The following TLN2 variants were observed in gnomAD, a reference collection of about 807,000 sequenced individuals.
The protein encoded by TLN2 is talin-2.
Under a neutral mutation model 294.7 loss-of-function variants are expected in TLN2, and 118 were observed. That is an observed-to-expected ratio of 0.40 (90% CI 0.34 to 0.47). The LOEUF (loss-of-function observed/expected upper bound fraction) is 0.47, where lower values mean the gene tolerates loss of function less well. Ranked by LOEUF, TLN2 falls within the 20% of genes least tolerant of loss-of-function variation. TLN2 has a pLI of 0.84. For synonymous variants in TLN2, 1,431 were observed against 1,304.5 expected (o/e 1.10, Z -2.09); for missense variants, 3,083 against 3,282.2 (o/e 0.94, Z 1.48).
chr15:62,544,781 C>G (rs1156465570), intron 1 of TLN2, among the ~76,000 whole-genome samples: 3 of 148,564 alleles, frequency 2.0e-5, no homozygotes, highest in Non-Finnish European at 4.4e-5. Context: ...TCCTTCCATT[C>G]CTAGAATGGC....
chr15:62,504,818 G>T (rs1162370682), intron 1 of TLN2, among the ~76,000 whole-genome samples: 3 of 143,530 alleles, frequency 2.1e-5, no homozygotes, highest in Admixed American at 7.0e-5. Context: ...TAGTTGGTGG[G>T]GTGTGTGTGT....
At chr15:62,420,050 T>C (rs2034304799) in intron 1 of TLN2, among the ~76,000 whole-genome samples, 1 of 152,218 alleles carries the variant, frequency 6.6e-6, no homozygotes, top group Non-Finnish European at 1.5e-5. Context: ...TTCTTATTTC[T>C]TATGTTAGGA....
At chr15:62,717,751 C>G in intron 24 of TLN2, 62 bp downstream of exon 24, 1 of 1,208,298 alleles carries the variant, frequency 8.3e-7, no homozygotes, top group Non-Finnish European at 1.1e-6. Context: ...CATTAGAACA[C>G]CAAGTCCCCT....
At chr15:62,487,284 C>A (rs1341063099) in intron 1 of TLN2, among the ~76,000 whole-genome samples, 2 of 152,218 alleles carry the variant, frequency 1.3e-5, no homozygotes, top group Non-Finnish European at 2.9e-5. Flanking sequence ...CCTGCCCTGG[C>A]TGCTCATTCA....
intron 1 of TLN2, among the ~76,000 whole-genome samples, chr15:62,523,464 G>C (rs1252810601): frequency 6.6e-6 from 1 of 152,216 alleles, no homozygotes; most frequent in Non-Finnish European, 1.5e-5. Flanking sequence ...GACAAGTCCA[G>C]GACTATTTTA....
At chr15:62,515,851 A>G (rs1354307142) in intron 1 of TLN2, among the ~76,000 whole-genome samples, 1 of 151,938 alleles carries the variant, frequency 6.6e-6, no homozygotes, top group Non-Finnish European at 1.5e-5. Flanking sequence ...TCTTGTAGGC[A>G]CCCTCTGCCT....
chr15:62,642,597 A>G (rs2051251642), intron 3 of TLN2, among the ~76,000 whole-genome samples: 1 of 152,028 alleles, frequency 6.6e-6, no homozygotes, highest in Admixed American at 6.5e-5. Flanking sequence ...ATTTCTCACA[A>G]GTGTGGAAAA....
intron 1 of TLN2, among the ~76,000 whole-genome samples, chr15:62,462,956 CA>C (rs1295795186): frequency 6.6e-6 from 1 of 152,206 alleles, no homozygotes; most frequent in African/African-American, 2.4e-5. Flanking sequence ...ACACTAAGGA[CA>C]GCGCCAAACT....
chr15:62,498,859 A>G (rs552469594), intron 1 of TLN2, among the ~76,000 whole-genome samples: 26 of 152,312 alleles, frequency 1.7e-4, no homozygotes, highest in African/African-American at 5.5e-4. Flanking sequence ...TGGCGAAACT[A>G]TTAAAGGAAT....
Position 62,748,375 on chromosome 15 carries a change from A to C in TLN2, c.4050A>C (p.Gln1350His), listed in dbSNP as rs377488539. 1.9e-6 allele frequency: 3 copies of C among 1,613,112 alleles called. No individual in the cohort carries two copies. Among genetic ancestry groups the C allele is most frequent in the East Asian group, 2.2e-5 (1 of 44,834 alleles). ...AARAVTESIN[Q>H]LITLCTQQAP... ...GAGCTGTGACAGAGAGCATCAATCA[A>C]CTCATCACTCTGTGTACCCAACAAG... Residue 1350 changes from glutamine to histidine, a missense_variant, in exon 33 of 59, where the codon CAA becomes CAC. Physicochemically the swap from Gln to His is conservative, Grantham distance 24 (BLOSUM62 0). Coordinates refer to ENST00000636159, the MANE Select transcript of TLN2 (RefSeq NM_015059.3).
intron 3 of TLN2, among the ~76,000 whole-genome samples, chr15:62,623,355 C>T (rs1465594421): frequency 1.3e-5 from 2 of 152,180 alleles, no homozygotes; most frequent in Admixed American, 1.3e-4. Context: ...CGCTGAAAAT[C>T]TCACAGGTCA....
chr15:62,693,885 A>G (rs942120701), intron 13 of TLN2, among the ~76,000 whole-genome samples: 2 of 151,520 alleles, frequency 1.3e-5, no homozygotes, highest in Non-Finnish European at 2.9e-5. Context: ...GTAAACTTCA[A>G]CACTTTGACT....
intron 1 of TLN2, among the ~76,000 whole-genome samples, chr15:62,489,376 TA>T (rs1243243683): frequency 6.6e-6 from 1 of 152,126 alleles, no homozygotes; most frequent in Non-Finnish European, 1.5e-5. Context: ...CCCAAATAAT[TA>T]AACAATTTAT....
At position 62,467,565 on chromosome 15, in the gene TLN2, G is replaced by C. The variant is rs184283796; in HGVS notation, c.-238+76880G>C. Among the ~76,000 whole-genome samples, 534 of 152,252 alleles carry C rather than the reference G, an allele frequency of 3.5e-3. 3 individuals carry two copies. Among genetic ancestry groups the C allele is most frequent in the African/African-American group, 0.012 (512 of 41,554 alleles). On this transcript the variant is annotated intron_variant, in intron 1 of 58. Coordinates refer to ENST00000636159, the MANE Select transcript of TLN2 (RefSeq NM_015059.3). Reference sequence around the variant, plus strand: ...AAATTAGCCGTGCATGGTGGTGCACGCCTGTAATCCCAGCTACTCGAGAGA... The same window carrying C: ...AAATTAGCCGTGCATGGTGGTGCACCCCTGTAATCCCAGCTACTCGAGAGA...
chr15:62,717,809 C>A, intron 24 of TLN2, 120 bp downstream of exon 24: 1 of 689,924 alleles, frequency 1.4e-6, no homozygotes, highest in Non-Finnish European at 2.2e-6. Flanking sequence ...CCAATTTGCC[C>A]CAGTTCCCAT....
chr15:62,668,186 G>A (rs554251111), intron 9 of TLN2, among the ~76,000 whole-genome samples: 8 of 152,182 alleles, frequency 5.3e-5, no homozygotes, highest in Non-Finnish European at 1.0e-4. Context: ...AATTTGCAAA[G>A]AGTAAATTTT....
intron 1 of TLN2, among the ~76,000 whole-genome samples, chr15:62,483,226 G>A (rs1008359002): frequency 1.3e-5 from 2 of 152,282 alleles, no homozygotes; most frequent in Non-Finnish European, 2.9e-5. Context: ...CTGTCATTCT[G>A]CAGGCATCTC....
At chr15:62,404,560 TTTAAA>T (rs1487855839) in intron 1 of TLN2, among the ~76,000 whole-genome samples, 1 of 152,204 alleles carries the variant, frequency 6.6e-6, no homozygotes, top group African/African-American at 2.4e-5. Context: ...TCGTCCTGTG[TTTAAA>T]TTAAATCTCC....
chr15:62,746,954 A>G (rs763076914), intron 32 of TLN2, among the ~76,000 whole-genome samples: 4 of 152,222 alleles, frequency 2.6e-5, no homozygotes, highest in Non-Finnish European at 5.9e-5. Context: ...GTGTAAAGCT[A>G]GTCGTTAAGA....
Sources: gnomAD v4.1 joint callset for allele counts (sites outside exome capture counted in the v4.1 genomes callset) on GRCh38, gnomAD v4.1.1 for gene constraint, MANE v1.5 for transcripts, NCBI Gene and HGNC (gene_info 2026-07-23, HGNC 2026-07-21) for gene names.